PLCZ1: variants seen among roughly 807,000 people sequenced by gnomAD.
PLCZ1 encodes 1-phosphatidylinositol 4,5-bisphosphate phosphodiesterase zeta-1.
PLCZ1 carries 64 observed loss-of-function variants against 76.8 expected under a neutral mutation model. The observed-to-expected ratio is 0.83, with a 90% confidence interval of 0.68 to 1.03. The LOEUF (loss-of-function observed/expected upper bound fraction) is 1.03. Among genes scored for constraint, PLCZ1 ranks in the 50% least tolerant of loss-of-function variants. The probability of loss-of-function intolerance (pLI) is 0.00; values close to 1 mark genes in which losing one functional copy is unlikely to be tolerated. For synonymous variants in PLCZ1, 248 were observed against 230.8 expected (o/e 1.07, Z -0.68); for missense variants, 751 against 713.7 (o/e 1.05, Z -0.60).
chr12:18,682,591 A>G (rs1952525904), downstream of PLCZ1, among the ~76,000 whole-genome samples: 1 of 152,062 alleles, frequency 6.6e-6, no homozygotes, highest in Non-Finnish European at 1.5e-5. Context: ...ATTCAGAAAC[A>G]TTGCAAATTA....
chr12:18,718,284 T>C (rs1442231443), intron 5 of PLCZ1, among the ~76,000 whole-genome samples: 1 of 152,174 alleles, frequency 6.6e-6, no homozygotes, highest in Non-Finnish European at 1.5e-5. Context: ...CCACCAGCTA[T>C]ATCACCTGCA....
At chr12:18,690,494 G>A (rs1444158190) in intron 12 of PLCZ1, among the ~76,000 whole-genome samples, 1 of 152,012 alleles carries the variant, frequency 6.6e-6, no homozygotes, top group Non-Finnish European at 1.5e-5. Flanking sequence ...CAAAGTGATG[G>A]GATTACAGAT....
At chr12:18,684,089 T>C in intron 14 of PLCZ1, 41 bp downstream of exon 14, 1 of 1,603,118 alleles carries the variant, frequency 6.2e-7, no homozygotes, top group Non-Finnish European at 8.5e-7. Context: ...ACAAGTTATA[T>C]TTAAATGCTG....
chr12:18,700,204 AT>A (rs978701332), intron 9 of PLCZ1, among the ~76,000 whole-genome samples: 3 of 151,952 alleles, frequency 2.0e-5, no homozygotes, highest in Non-Finnish European at 4.4e-5. Context: ...ATTACTATTT[AT>A]TTTTTTCCTA....
At chr12:18,728,995 T>A (rs1958902905) in intron 3 of PLCZ1, among the ~76,000 whole-genome samples, 1 of 151,938 alleles carries the variant, frequency 6.6e-6, no homozygotes, top group South Asian at 2.1e-4. Flanking sequence ...AGTAGAGAAA[T>A]AATTTCTCTC....
At chr12:18,729,850 C>G (rs1318811524) in intron 3 of PLCZ1, among the ~76,000 whole-genome samples, 3 of 151,984 alleles carry the variant, frequency 2.0e-5, no homozygotes, top group Non-Finnish European at 4.4e-5. Flanking sequence ...TTTCTTTACT[C>G]AAATTTATAA....
chr12:18,686,617 C>T (rs1201056427), intron 13 of PLCZ1, among the ~76,000 whole-genome samples: 1 of 152,020 alleles, frequency 6.6e-6, no homozygotes, highest in Non-Finnish European at 1.5e-5. Context: ...AAAAATTCTA[C>T]TCATTCTCCA....
intron 3 of PLCZ1, among the ~76,000 whole-genome samples, chr12:18,731,639 C>A (rs1959057295): frequency 6.8e-6 from 1 of 146,520 alleles, no homozygotes; most frequent in Non-Finnish European, 1.5e-5. Flanking sequence ...AAATATCAGA[C>A]CTTTCCCAGT....
intron 5 of PLCZ1, among the ~76,000 whole-genome samples, chr12:18,717,946 C>T (rs983451221): frequency 5.9e-5 from 9 of 152,122 alleles, no homozygotes; most frequent in African/African-American, 1.9e-4. Flanking sequence ...GATACTCCGT[C>T]GCACGATGTT....
chr12:18,652,819 G>T, the PLCZ1 span, among the ~76,000 whole-genome samples: 21,661 of 151,940 alleles, frequency 0.14, 1,968 homozygotes, highest in East Asian at 0.41. Flanking sequence ...TGTCTCCAGA[G>T]AGTAGTAACA....
At chr12:18,650,729 TATA>T in the PLCZ1 span, among the ~76,000 whole-genome samples, 1 of 26,382 alleles carries the variant, frequency 3.8e-5, no homozygotes, top group Admixed American at 4.8e-4. Flanking sequence ...TATATATATA[TATA>T]TATATATATA....
the PLCZ1 span, among the ~76,000 whole-genome samples, chr12:18,663,769 A>G: frequency 1.3e-4 from 20 of 152,276 alleles, no homozygotes; most frequent in Admixed American, 2.0e-4. Flanking sequence ...AAATTGAAAA[A>G]TGTTGTGCAT....
At chr12:18,666,861 T>C in the PLCZ1 span, among the ~76,000 whole-genome samples, 1 of 152,182 alleles carries the variant, frequency 6.6e-6, no homozygotes, top group Admixed American at 6.6e-5. Context: ...CCATTTCTTA[T>C]TTTTGCAATT....
In PLCZ1 at chr12:18,737,029, C is replaced by G. The variant is rs79320998; in HGVS notation, c.11+332G>C. Among the ~76,000 whole-genome samples, 27 of 151,948 alleles carry G rather than the reference C, an allele frequency of 1.8e-4. No individual in the cohort carries two copies. In the East Asian group the frequency reaches 5.2e-3, roughly 29 times the overall value. On this transcript the variant is annotated intron_variant, in intron 2 of 14. Coordinates refer to ENST00000266505, the MANE Select transcript of PLCZ1 (RefSeq NM_033123.4). ...ACACTTCCATTTGAAAAACTAAGAT[C>G]GAAATGAGATAATGACAATTATCAC... is the stretch of plus-strand genomic sequence containing the variant.
downstream of PLCZ1, among the ~76,000 whole-genome samples, chr12:18,678,536 TTTTC>T (rs1229670746): frequency 2.6e-5 from 4 of 152,106 alleles, no homozygotes; most frequent in African/African-American, 9.7e-5. Flanking sequence ...CATTCACTGA[TTTTC>T]TTTCTGTTAC....
At chr12:18,665,771 G>A in the PLCZ1 span, among the ~76,000 whole-genome samples, 1 of 151,776 alleles carries the variant, frequency 6.6e-6, no homozygotes, top group African/African-American at 2.4e-5. Flanking sequence ...TCCTTCTCTA[G>A]TAAAATACAA....
At chr12:18,718,652 G>A (rs1057045968) in intron 5 of PLCZ1, among the ~76,000 whole-genome samples, 6 of 151,924 alleles carry the variant, frequency 3.9e-5, no homozygotes, top group Non-Finnish European at 8.8e-5. Context: ...TTTACCTCTT[G>A]AGAAGACTTT....
the PLCZ1 span, among the ~76,000 whole-genome samples, chr12:18,677,112 TG>T: frequency 6.6e-6 from 1 of 152,164 alleles, no homozygotes; most frequent in Non-Finnish European, 1.5e-5. Flanking sequence ...GAAAGTTTGA[TG>T]TAGAAAAGGG....
chr12:18,723,287 TA>T (rs1336629541), intron 4 of PLCZ1, 23 bp downstream of exon 4: 8 of 1,576,648 alleles, frequency 5.1e-6, no homozygotes, highest in Non-Finnish European at 7.0e-6. Flanking sequence ...AATATTCCGA[TA>T]AAAGTTTGAA....
Sources: gnomAD v4.1 joint callset for allele counts (sites outside exome capture counted in the v4.1 genomes callset) on GRCh38, gnomAD v4.1.1 for gene constraint, MANE v1.5 for transcripts, NCBI Gene and HGNC (gene_info 2026-07-23, HGNC 2026-07-21) for gene names.